Variants in OSTN observed in about 807,000 individuals in gnomAD.
OSTN encodes osteocrin.
A neutral mutation model predicts 12.0 loss-of-function variants in OSTN; 9 were observed. The ratio of observed to expected loss-of-function variants is 0.75; its 90% CI spans 0.45 to 1.30. OSTN has a LOEUF of 1.30. Ranked by LOEUF, OSTN falls within the 50% of genes most tolerant of loss-of-function variation. The pLI, the probability that OSTN is intolerant of heterozygous loss-of-function variation, is 0.00. For missense variants in OSTN, 148 were observed against 152.3 expected (o/e 0.97, Z 0.15); for synonymous variants, 59 against 56.9 (o/e 1.04, Z -0.16).
chr3:191,211,402 C>T (rs183539035), intron 1 of OSTN, among the ~76,000 whole-genome samples: 1 of 152,212 alleles, frequency 6.6e-6, no homozygotes, highest in East Asian at 1.9e-4. Context: ...TCTATTTTCT[C>T]TTGAATGGGG....
At chr3:191,250,399 C>T (rs1262701000) in intron 4 of OSTN, among the ~76,000 whole-genome samples, 3 of 152,082 alleles carry the variant, frequency 2.0e-5, no homozygotes, top group Non-Finnish European at 4.4e-5. Context: ...ATGTAATTAA[C>T]CATTGAATAT....
intron 3 of OSTN, among the ~76,000 whole-genome samples, chr3:191,227,764 G>A (rs534165982): frequency 5.3e-5 from 8 of 152,138 alleles, no homozygotes; most frequent in Non-Finnish European, 1.0e-4. Flanking sequence ...TGCTAATTTC[G>A]CTTGGATTAG....
chr3:191,215,587 C>A (rs1392378222), intron 2 of OSTN, among the ~76,000 whole-genome samples: 1 of 152,202 alleles, frequency 6.6e-6, no homozygotes, highest in Non-Finnish European at 1.5e-5. Context: ...GGCAAATAAA[C>A]CCACTCCAAA....
chr3:191,212,848 G>GTTTCCTTT (rs1434349929), intron 2 of OSTN, among the ~76,000 whole-genome samples: 1 of 132,924 alleles, frequency 7.5e-6, no homozygotes, highest in Admixed American at 7.8e-5. Context: ...TTTTGTAAAC[G>GTTTCCTTT]TTTCCTTTTC....
At chr3:191,259,200 G>GT (rs34341899) in intron 4 of OSTN, among the ~76,000 whole-genome samples, 3,592 of 147,266 alleles carry the variant, frequency 0.024, 143 homozygotes, top group East Asian at 0.16. Flanking sequence ...AAAACAATCT[G>GT]TTTTTTTTTT....
At chr3:191,230,190 A>C (rs1357886136) in intron 3 of OSTN, among the ~76,000 whole-genome samples, 1 of 152,204 alleles carries the variant, frequency 6.6e-6, no homozygotes, top group African/African-American at 2.4e-5. Flanking sequence ...ACACAAAATT[A>C]GTGTCCTTTC....
chr3:191,205,300 TTCCTG>T (rs763083106), intron 1 of OSTN, among the ~76,000 whole-genome samples: 3 of 151,986 alleles, frequency 2.0e-5, no homozygotes, highest in Non-Finnish European at 4.4e-5. Flanking sequence ...AAACCTCTTA[TTCCTG>T]TCCTTCAAGT....
intron 2 of OSTN, among the ~76,000 whole-genome samples, chr3:191,215,695 T>A (rs1194198230): frequency 1.3e-5 from 2 of 152,158 alleles, no homozygotes; most frequent in African/African-American, 4.8e-5. Context: ...TCCAAAACCA[T>A]TTCCTTTGAC....
At chr3:191,250,000 C>A in intron 3 of OSTN, 37 bp from the exon 4 acceptor site, 2 of 1,444,112 alleles carry the variant, frequency 1.4e-6, no homozygotes, top group South Asian at 1.1e-5. Flanking sequence ...AATAACTTGC[C>A]CTTTAGTTTA....
intron 3 of OSTN, among the ~76,000 whole-genome samples, chr3:191,239,468 C>A (rs551296056): frequency 6.6e-6 from 1 of 152,280 alleles, no homozygotes; most frequent in African/African-American, 2.4e-5. Flanking sequence ...ATTAAACATG[C>A]CAGTACAGTC....
chr3:191,261,102 G>A (rs772904592), intron 4 of OSTN, among the ~76,000 whole-genome samples: 12 of 152,154 alleles, frequency 7.9e-5, no homozygotes, highest in Admixed American at 2.6e-4. Flanking sequence ...TTGGGTTCTC[G>A]TAACTGTGAC....
At chr3:191,217,418 C>A (rs1714641831) in intron 2 of OSTN, among the ~76,000 whole-genome samples, 1 of 152,082 alleles carries the variant, frequency 6.6e-6, no homozygotes, top group Admixed American at 6.5e-5. Context: ...AAACTCAAAA[C>A]CAAGACCAAC....
intron 3 of OSTN, among the ~76,000 whole-genome samples, chr3:191,245,474 A>G (rs1191630623): frequency 6.6e-6 from 1 of 152,256 alleles, no homozygotes; most frequent in East Asian, 1.9e-4. Context: ...ACTATCAGTA[A>G]GTAAATCAAG....
intron 3 of OSTN, among the ~76,000 whole-genome samples, chr3:191,243,874 GA>G (rs1443865178): frequency 6.6e-6 from 1 of 151,862 alleles, no homozygotes; most frequent in East Asian, 1.9e-4. Flanking sequence ...TACAATTCTG[GA>G]ACTATCAAGA....
At chr3:191,224,971 T>C (rs1405825330) in intron 3 of OSTN, among the ~76,000 whole-genome samples, 1 of 151,076 alleles carries the variant, frequency 6.6e-6, no homozygotes, top group East Asian at 2.0e-4. Flanking sequence ...AAGCATAAGG[T>C]AAAAATTAAC....
At chr3:191,230,502 T>C (rs1423743062) in intron 3 of OSTN, among the ~76,000 whole-genome samples, 1 of 140,746 alleles carries the variant, frequency 7.1e-6, no homozygotes, top group Non-Finnish European at 1.5e-5. Flanking sequence ...AGGTGGAGGT[T>C]GCAGTGAGCT....
intron 2 of OSTN, among the ~76,000 whole-genome samples, chr3:191,213,027 C>G (rs1013015294): frequency 1.3e-5 from 2 of 151,566 alleles, no homozygotes; most frequent in Non-Finnish European, 2.9e-5. Flanking sequence ...TGTGCCACCA[C>G]GCCCAGCTAA....
At chr3:191,239,302 G>T (rs1715269733) in intron 3 of OSTN, among the ~76,000 whole-genome samples, 1 of 80,976 alleles carries the variant, frequency 1.2e-5, no homozygotes, top group Non-Finnish European at 2.4e-5. Context: ...TGGTTACTTG[G>T]TGTATGCCCT....
intron 4 of OSTN, among the ~76,000 whole-genome samples, chr3:191,256,540 G>A (rs1715674409): frequency 2.0e-5 from 3 of 150,956 alleles, no homozygotes; most frequent in Admixed American, 1.3e-4. Context: ...AAAAAGCATA[G>A]AGAGAAGACT....
Sources: allele counts gnomAD v4.1 joint callset (sites outside exome capture counted in the v4.1 genomes callset), GRCh38; gene constraint gnomAD v4.1.1; transcripts MANE v1.5; gene names NCBI Gene and HGNC (gene_info 2026-07-23, HGNC 2026-07-21).